The following NUDT3 variants were observed in gnomAD, a reference collection of about 807,000 sequenced individuals.
NUDT3 encodes diphosphoinositol polyphosphate phosphohydrolase 1.
NUDT3 carries 9 observed loss-of-function variants against 23.6 expected under a neutral mutation model. The observed-to-expected ratio is 0.38, with a 90% CI of 0.23 to 0.66. NUDT3 has a LOEUF of 0.66. NUDT3 is among the 30% of genes least tolerant of loss of function. The probability of loss-of-function intolerance (pLI) is 0.52; values close to 1 mark genes in which losing one functional copy is unlikely to be tolerated. For missense variants in NUDT3, 172 were observed against 218.5 expected, an observed-to-expected ratio of 0.79 and a Z score of 1.34; for synonymous variants, 86 against 82.6, an observed-to-expected ratio of 1.04 and a Z score of -0.22.
intron 2 of NUDT3, among the ~76,000 whole-genome samples, chr6:34,326,383 A>G (rs1764030627): frequency 6.6e-6 from 1 of 152,250 alleles, no homozygotes; most frequent in Non-Finnish European, 1.5e-5. Flanking sequence ...GTTGGAGTTT[A>G]TCAATTTACA....
chr6:34,291,507 CA>C (rs368694739), intron 4 of NUDT3, among the ~76,000 whole-genome samples: 108 of 151,790 alleles, frequency 7.1e-4, no homozygotes, highest in African/African-American at 2.3e-3. Flanking sequence ...TTAACATTGA[CA>C]AAAATTTTTT....
chr6:34,386,150 T>C (rs1384039862), intron 1 of NUDT3, among the ~76,000 whole-genome samples: 1 of 152,236 alleles, frequency 6.6e-6, no homozygotes, highest in Non-Finnish European at 1.5e-5. Flanking sequence ...GCCTGCTGTG[T>C]AACAGCCAAG....
chr6:34,336,402 C>A (rs1764209641), intron 2 of NUDT3, among the ~76,000 whole-genome samples: 1 of 152,092 alleles, frequency 6.6e-6, no homozygotes, highest in South Asian at 2.1e-4. Flanking sequence ...TTATTCACAT[C>A]ATTTGCACAT....
At chr6:34,315,630 A>G (rs993479958) in intron 2 of NUDT3, among the ~76,000 whole-genome samples, 2 of 152,206 alleles carry the variant, frequency 1.3e-5, no homozygotes, top group African/African-American at 4.8e-5. Context: ...TGTTATAAAT[A>G]TGTATTCAAA....
chr6:34,386,950 C>T (rs1361151102), intron 1 of NUDT3, among the ~76,000 whole-genome samples: 3 of 151,886 alleles, frequency 2.0e-5, no homozygotes, highest in Admixed American at 1.3e-4. Flanking sequence ...CCTATCTCTA[C>T]AAAAAAATAC....
intron 1 of NUDT3, among the ~76,000 whole-genome samples, chr6:34,360,091 T>C (rs889030374): frequency 3.3e-5 from 5 of 151,850 alleles, no homozygotes; most frequent in African/African-American, 9.7e-5. Context: ...TAGCCAGGCA[T>C]GGTGACACAT....
rs1281644259 is a variant in NUDT3 at position 34,288,878 on chromosome 6, G to A, written c.394C>T (p.His132Tyr). 6.2e-7 allele frequency: 1 copy of A among 1,613,900 alleles called. No individual in the cohort carries two copies. Among genetic ancestry groups the A allele is most frequent in the African/African-American group, 1.3e-5 (1 of 74,906 alleles). Reference sequence around the variant, plus strand: ...AAATATGATGCCTGCACGGGTTTGTGATACTGCAGCACTTTTATGGCGTCT... The same window carrying A: ...AAATATGATGCCTGCACGGGTTTGTAATACTGCAGCACTTTTATGGCGTCT... ...IEDAIKVLQY[H>Y]KPVQASYFET... The change falls in exon 5 of 5, where the codon CAC becomes TAC. Residue 132 changes from histidine to tyrosine, a missense_variant. Transcript: ENST00000607016.
At chr6:34,289,175 C>T (rs1763380004) in intron 4 of NUDT3, among the ~76,000 whole-genome samples, 5 of 152,194 alleles carry the variant, frequency 3.3e-5, no homozygotes, top group Admixed American at 2.6e-4. Context: ...GAGAGAACTA[C>T]GGCTAGTGTT....
At chr6:34,295,764 TAAA>T (rs1763489913) in intron 2 of NUDT3, 79 bp from the exon 3 acceptor site, 1 of 1,569,970 alleles carries the variant, frequency 6.4e-7, no homozygotes, top group African/African-American at 1.4e-5. Context: ...AAGCAGTTTA[TAAA>T]ATAGAAACAA....
At chr6:34,290,196 G>C (rs182901887) in intron 4 of NUDT3, among the ~76,000 whole-genome samples, 15 of 151,556 alleles carry the variant, frequency 9.9e-5, no homozygotes, top group Admixed American at 7.2e-4. Flanking sequence ...TTTAATTTTT[G>C]TTACTGGTTT....
intron 2 of NUDT3, among the ~76,000 whole-genome samples, chr6:34,340,838 G>A (rs1764276288): frequency 6.6e-6 from 1 of 152,162 alleles, no homozygotes; most frequent in Non-Finnish European, 1.5e-5. Context: ...ATCTAGTTAT[G>A]GGTATAAGAT....
intron 2 of NUDT3, among the ~76,000 whole-genome samples, chr6:34,318,040 C>A (rs941060871): frequency 4.6e-5 from 7 of 152,116 alleles, no homozygotes; most frequent in African/African-American, 1.7e-4. Flanking sequence ...AATAAACTTG[C>A]ATCAAAAGCA....
chr6:34,349,727 G>A (rs1036070054), intron 1 of NUDT3, among the ~76,000 whole-genome samples: 2 of 150,460 alleles, frequency 1.3e-5, no homozygotes, highest in African/African-American at 2.5e-5. Flanking sequence ...CTACTGCCAA[G>A]GGTATAGTGG....
chr6:34,331,020 A>G (rs1476424501), intron 2 of NUDT3, among the ~76,000 whole-genome samples: 1 of 152,078 alleles, frequency 6.6e-6, no homozygotes, highest in Non-Finnish European at 1.5e-5. Context: ...ACGCCCAGCT[A>G]ATTTTTGTAC....
chr6:34,312,500 A>G (rs890318392), intron 2 of NUDT3, among the ~76,000 whole-genome samples: 19 of 152,308 alleles, frequency 1.2e-4, no homozygotes, highest in Middle Eastern at 3.4e-3. Context: ...CTCTCTGGAA[A>G]GAATGCAAAA....
chr6:34,293,686 G>C, intron 3 of NUDT3, 151 bp from the exon 4 acceptor site: 3 of 876,334 alleles, frequency 3.4e-6, no homozygotes, highest in Non-Finnish European at 5.1e-6. Flanking sequence ...ATAGCTACAT[G>C]ATTTAAAGCA....
In NUDT3 at chr6:34,288,825, G is replaced by C; in HGVS notation, c.447C>G (p.Ala149=). ...YFETLRQGYS[A]NNGTPVVATT... is the part of the protein sequence containing the mutation. Reference sequence around the variant, plus strand: ...TGGCCACGACTGGGGTGCCATTGTTGGCTGAGTAGCCTTGCCTCAATGTTT... The same window carrying C: ...TGGCCACGACTGGGGTGCCATTGTTCGCTGAGTAGCCTTGCCTCAATGTTT... The change falls in exon 5 of 5, where the codon GCC becomes GCG. Residue 149 remains alanine, a synonymous_variant. Transcript: ENST00000607016. The C allele has an allele frequency of 6.2e-7, 1 of 1,614,100 alleles. No homozygotes were observed. The highest frequency in any genetic ancestry group is 8.5e-7 in the Non-Finnish European group (1 of 1,180,004).
Position 34,392,461 on chromosome 6 carries a change from A to T in NUDT3, c.-99T>A. 1.2e-6 allele frequency: 1 copy of T among 818,610 alleles called. No homozygotes were observed. The highest frequency in any genetic ancestry group is 1.9e-6 in the Non-Finnish European group (1 of 522,066). 50.7% of individuals were successfully genotyped at this position (818,610 alleles called of 1,614,324 possible). ...GTGCGCGCGCGCCCCCGGCTCGGCC[A>T]AGGGAAGCAGGGAGGGGGAGCTTCT... On this transcript the variant is annotated 5_prime_UTR_variant, in exon 1 of 5. Coordinates refer to ENST00000607016, the MANE Select transcript of NUDT3 (RefSeq NM_006703.4).
intron 1 of NUDT3, among the ~76,000 whole-genome samples, chr6:34,363,861 C>T (rs186896408): frequency 6.6e-6 from 1 of 152,208 alleles, no homozygotes; most frequent in East Asian, 1.9e-4. Flanking sequence ...CAACCTCCTC[C>T]TCCCAGGTTT....
Sources: allele counts gnomAD v4.1 joint callset (sites outside exome capture counted in the v4.1 genomes callset), GRCh38; gene constraint gnomAD v4.1.1; transcripts MANE v1.5; gene names NCBI Gene and HGNC (gene_info 2026-07-23, HGNC 2026-07-21).